PLTP: variants seen among roughly 807,000 people sequenced by gnomAD.
PLTP encodes phospholipid transfer protein.
A neutral mutation model predicts 54.1 loss-of-function variants in PLTP; 43 were observed. The observed-to-expected ratio is 0.79, with a 90% CI of 0.62 to 1.02. PLTP has a LOEUF of 1.02. Ranked by LOEUF, PLTP falls within the 50% of genes least tolerant of loss-of-function variation. The pLI, the probability that PLTP is intolerant of heterozygous loss-of-function variation, is 0.00. For missense variants in PLTP, 604 were observed against 645.9 expected (o/e 0.94, Z 0.70); for synonymous variants, 263 against 264.6 (o/e 0.99, Z 0.06).
intron 3 of PLTP, 145 bp from the exon 4 acceptor site, chr20:45,910,215 C>G: frequency 2.3e-6 from 2 of 882,534 alleles, no homozygotes; most frequent in Non-Finnish European, 1.8e-6. Flanking sequence ...CTCAAGTGCC[C>G]AACTTAGACT....
intron 12 of PLTP, among the ~76,000 whole-genome samples, 161 bp from the exon 13 acceptor site, chr20:45,900,039 T>C (rs1340182199): frequency 1.3e-5 from 2 of 151,722 alleles, no homozygotes; most frequent in Non-Finnish European, 1.5e-5. Context: ...GGGGCAGTCA[T>C]TGCTGCCACT....
At chr20:45,901,770 C>T (rs11569654) in intron 12 of PLTP, among the ~76,000 whole-genome samples, 2,257 of 151,620 alleles carry the variant, frequency 0.015, 59 homozygotes, top group African/African-American at 0.052. Context: ...GGCGTGGTGG[C>T]GCACACCTGT....
Position 45,902,123 on chromosome 20 carries a change from C to T in PLTP, c.1175+144G>A, listed in dbSNP as rs896145782. The T allele has an allele frequency of 1.3e-5, 11 of 870,472 alleles. No homozygotes were observed. In the African/African-American group the frequency reaches 1.3e-4, roughly 11 times the overall value. 53.9% of individuals were successfully genotyped at this position (870,472 alleles called of 1,614,324 possible). A position where few individuals can be genotyped will look rare whatever the true frequency, so the allele number is the denominator to read the frequency against. On this transcript the variant is annotated intron_variant, in intron 12 of 15. Coordinates refer to ENST00000372431, the MANE Select transcript of PLTP (RefSeq NM_006227.4). Reference sequence around the variant, plus strand: ...GAGAATGCAGAGGAGTCAGACTTTACCAAAGCACTTTGGCATGCATTAACA... The same window carrying T: ...GAGAATGCAGAGGAGTCAGACTTTATCAAAGCACTTTGGCATGCATTAACA...
intron 8 of PLTP, 99 bp from the exon 9 acceptor site, chr20:45,905,217 A>T: frequency 9.4e-7 from 1 of 1,058,788 alleles, no homozygotes; most frequent in Non-Finnish European, 1.4e-6. Context: ...CTGTGGGGGG[A>T]TGGTGGGAAC....
rs1600484690 is a variant in PLTP at position 45,911,165 on chromosome 20, A to G, written c.187T>C (p.Tyr63His). ...DLRGKEGHFYYNISEVKVTEL... is the reference protein window; with the variant it reads ...DLRGKEGHFYHNISEVKVTEL... ...CCCCCCACTTACTCAGAGATGTTGT[A>G]GTAGAAGTGGCCTTCTTTGCCCCGC... Residue 63 changes from tyrosine to histidine, a missense_variant, in exon 3 of 16, where the codon TAC (tyrosine) becomes CAC (histidine). Tyr to His is a moderately conservative substitution (Grantham distance 83). Coordinates refer to ENST00000372431, the MANE Select transcript of PLTP (RefSeq NM_006227.4). 1 of 1,613,182 alleles carries G rather than the reference A, an allele frequency of 6.2e-7. No individual in the cohort carries two copies.
chr20:45,910,125 C>G, intron 3 of PLTP, 55 bp from the exon 4 acceptor site: 2 of 1,605,016 alleles, frequency 1.2e-6, no homozygotes, highest in Middle Eastern at 1.7e-4. Flanking sequence ...CTTCCCCCAA[C>G]GACAGGAAAT....
chr20:45,901,916 GAAT>G (rs2083188481), intron 12 of PLTP, among the ~76,000 whole-genome samples: 1 of 143,874 alleles, frequency 7.0e-6, no homozygotes, highest in Non-Finnish European at 1.5e-5. Context: ...AAAAAAAAAA[GAAT>G]AATAACATTT....
At position 45,904,803 on chromosome 20, in the gene PLTP, C is replaced by T. The variant is rs147509105; in HGVS notation, c.939G>A (p.Leu313=). ...CCCTGCCCCCGCCAGCACTCACCAG[C>T]AGGACAATGCTCCCAAAGTAGGTGG... ...LRATYFGSIV[L]LSPAVIDSPL... is the part of the protein sequence containing the mutation. The change falls in exon 10 of 16, where the codon CTG becomes CTA. Residue 313 remains leucine (L), a synonymous_variant. Transcript: ENST00000372431. 3.1e-6 allele frequency: 5 copies of T among 1,614,078 alleles called. No homozygotes were observed. The African/African-American group carries it at 4.0e-5, about 13-fold the overall frequency.
Position 45,911,357 on chromosome 20 carries a change from C to A in PLTP, c.96G>T (p.Glu32Asp). The A allele has an allele frequency of 6.2e-7, 1 of 1,613,150 alleles. No homozygotes were observed. Among genetic ancestry groups the A allele is most frequent in the East Asian group, 2.2e-5 (1 of 44,872 alleles). Reference protein sequence around the residue: ...CKIRVTSKALELVKQEGLRFL... With the variant: ...CKIRVTSKALDLVKQEGLRFL... ...CTGTCTGCCCCTGCGCCTTACCCAG[C>A]TCCAGCGCCTTGGAGGTGACGCGGA... is the stretch of plus-strand genomic sequence containing the variant. Residue 32 changes from glutamate to aspartate, a missense_variant, in exon 2 of 16, where the codon GAG becomes GAT. By Grantham distance (45) the Glu-to-Asp change is conservative (BLOSUM62 2). Coordinates refer to ENST00000372431, the MANE Select transcript of PLTP (RefSeq NM_006227.4).
chr20:45,907,602 C>A, intron 7 of PLTP, 90 bp downstream of exon 7: 1 of 1,245,622 alleles, frequency 8.0e-7, no homozygotes, highest in East Asian at 2.4e-5. Flanking sequence ...CATTTGAACC[C>A]AGGACTGTTC....
intron 13 of PLTP, 29 bp downstream of exon 13, chr20:45,899,807 G>GGGCCCCCCCCCCCCCCCCCCCCC: frequency 2.9e-6 from 4 of 1,369,442 alleles, no homozygotes; most frequent in Non-Finnish European, 4.1e-6. Context: ...CACGAACCCA[G>GGGCCCCCCCCCCCCCCCCCCCCC]CCCAGCCCAC....
Position 45,906,367 on chromosome 20 carries a change from A to G in PLTP, c.614-8T>C. ...CGTCCACAGAACTGCGCACTGCAGG[A>G]AGGGGCTCAAGTCACTCACGGCTGT... On this transcript the variant is annotated splice_polypyrimidine_tract_variant and splice_region_variant and intron_variant, in intron 7 of 15. Transcript: ENST00000372431. The G allele has an allele frequency of 1.2e-6, 2 of 1,609,008 alleles. No individual in the cohort carries two copies. The highest frequency in any genetic ancestry group is 2.2e-5 in the South Asian group (2 of 90,604).
In PLTP at chr20:45,907,738, G is replaced by C; in HGVS notation, c.567C>G (p.Tyr189Ter). Residue 189 changes from tyrosine (Y) to a stop codon, truncating the protein, a stop_gained, in exon 7 of 16, where the codon TAC becomes TAG. Transcript: ENST00000372431. LOFTEE classifies it high-confidence loss of function. ...AGTTGAGCAGGACCGTCCCTGCGTG[G>C]TAGAGGACAGGGCAGATCTGCGAGG... ...LLNQQICPVLYHAGTVLLNSL... is the reference protein window; with the variant it reads ...LLNQQICPVL 6.2e-7 allele frequency: 1 copy of C among 1,613,822 alleles called. No homozygotes were observed. The highest frequency in any genetic ancestry group is 8.5e-7 in the Non-Finnish European group (1 of 1,179,970).
intron 10 of PLTP, 50 bp from the exon 11 acceptor site, chr20:45,902,654 A>G (rs765771744): frequency 8.5e-6 from 13 of 1,532,444 alleles, no homozygotes; most frequent in African/African-American, 1.4e-5. Flanking sequence ...TTTCCTTTGG[A>G]GCCCCCAGGG....
chr20:45,900,348 G>A (rs757941578), intron 12 of PLTP, among the ~76,000 whole-genome samples: 4 of 151,570 alleles, frequency 2.6e-5, no homozygotes, highest in Non-Finnish European at 5.9e-5. Flanking sequence ...CTTGTGATCC[G>A]CCCGTCTCGG....
chr20:45,911,127 T>G, intron 3 of PLTP, 25 bp downstream of exon 3: 1 of 1,609,702 alleles, frequency 6.2e-7, no homozygotes, highest in African/African-American at 1.3e-5. Context: ...CCGCCCCGGA[T>G]CGCGAGGCCC....
chr20:45,898,806 G>T lies in PLTP; in HGVS notation c.*135C>A. ...GATAGATTGATTATGGAATTAAATT[G>T]GGTACAGCTTCAAATCCCGTCTTCT... On this transcript the variant is annotated 3_prime_UTR_variant, in exon 16 of 16. Transcript: ENST00000372431. This position sits in a 1 kb window ranked among gnomAD's most constrained non-coding sequence, Gnocchi z 4.6. 1 of 995,828 alleles carries T rather than the reference G, an allele frequency of 1.0e-6. No individual in the cohort carries two copies. The highest frequency in any genetic ancestry group is 1.5e-6 in the Non-Finnish European group (1 of 681,086). The allele number at this position is 995,828 out of a possible 1,614,324, so 61.7% of individuals were successfully genotyped here.
rs1568779288 is a variant in PLTP, at chr20:45,911,476, T to G, written c.-11-13A>C. On this transcript the variant is annotated splice_polypyrimidine_tract_variant and intron_variant, in intron 1 of 15. Transcript: ENST00000372431. ...ATGGCGAGCGGGCCTGGGGGTGGGG[T>G]GGGGTCGCAGGAGTTATCTGAGCCG... 6 of 1,600,442 alleles carry G rather than the reference T, an allele frequency of 3.7e-6. No homozygotes were observed. Among genetic ancestry groups the G allele is most frequent in the South Asian group, 1.1e-5 (1 of 91,058 alleles).
rs942830819 is a variant in PLTP, at chr20:45,904,690, CAA to C, written c.942+108_942+109del. 21 of 997,396 alleles carry C rather than the reference CAA, an allele frequency of 2.1e-5. No homozygotes were observed. The African/African-American group carries it at 3.2e-4, about 15-fold the overall frequency. The allele number at this position is 997,396 out of a possible 1,614,324, so 61.8% of individuals were successfully genotyped here. On this transcript the variant is annotated intron_variant, in intron 10 of 15. Coordinates refer to ENST00000372431, the MANE Select transcript of PLTP (RefSeq NM_006227.4). ...CAAGGCGAGGGGGATTGGCCACAGA[CAA>C]GAGGCCAGGGCCCTGTCTGCGTGGC...
Sources: allele counts gnomAD v4.1 joint callset (sites outside exome capture counted in the v4.1 genomes callset), GRCh38; gene constraint gnomAD v4.1.1; non-coding constraint Gnocchi (gnomAD v3.1); transcripts MANE v1.5; gene names NCBI Gene and HGNC (gene_info 2026-07-23, HGNC 2026-07-21).